Variants in SPMIP7 observed in about 807,000 individuals in gnomAD.
SPMIP7 encodes the protein protein SPMIP7.
At chr7:50,111,984 A>G in the SPMIP7 span, among the ~76,000 whole-genome samples, 1 of 152,218 alleles carries the variant, frequency 6.6e-6, no homozygotes, top group East Asian at 1.9e-4. Context: ...CTACACCACT[A>G]CAAATTGAAT....
chr7:50,144,680 G>A, the SPMIP7 span, among the ~76,000 whole-genome samples: 9 of 152,160 alleles, frequency 5.9e-5, no homozygotes, highest in Non-Finnish European at 1.3e-4. Flanking sequence ...TTACTAAATG[G>A]CATTTAGAGT....
chr7:50,140,546 A>G, the SPMIP7 span, among the ~76,000 whole-genome samples: 95 of 152,362 alleles, frequency 6.2e-4, no homozygotes, highest in Non-Finnish European at 1.2e-3. Context: ...TGAGATGCTC[A>G]TTAACAGCAT....
chr7:50,104,273 G>A, the SPMIP7 span: 2 of 1,084,558 alleles, frequency 1.8e-6, no homozygotes, highest in Non-Finnish European at 2.7e-6. Context: ...CTTTTATTGT[G>A]TTTTTAACCA....
the SPMIP7 span, chr7:50,096,005 G>A: frequency 1.1e-5 from 10 of 873,084 alleles, no homozygotes; most frequent in Non-Finnish European, 1.7e-6. Flanking sequence ...TTTAGTTATT[G>A]GCAATAGAGT....
At chr7:50,106,831 T>G in the SPMIP7 span, among the ~76,000 whole-genome samples, 1 of 152,220 alleles carries the variant, frequency 6.6e-6, no homozygotes, top group East Asian at 1.9e-4. Context: ...GGGCCAGGCA[T>G]GGTGTCTCAC....
At chr7:50,101,652 T>C in the SPMIP7 span, among the ~76,000 whole-genome samples, 1 of 152,344 alleles carries the variant, frequency 6.6e-6, no homozygotes, top group East Asian at 1.9e-4. Flanking sequence ...ATATTAGAAT[T>C]CAAGTTTTAT....
chr7:50,142,994 C>T, the SPMIP7 span, among the ~76,000 whole-genome samples: 1 of 152,068 alleles, frequency 6.6e-6, no homozygotes, highest in Non-Finnish European at 1.5e-5. Flanking sequence ...TACAGAGAGC[C>T]ATCCTATTGA....
the SPMIP7 span, among the ~76,000 whole-genome samples, chr7:50,114,052 T>C: frequency 2.6e-5 from 4 of 152,088 alleles, no homozygotes; most frequent in African/African-American, 7.2e-5. Flanking sequence ...ACTAAGAAGA[T>C]ATTAACTAAC....
At chr7:50,120,221 GAAGAT>G in the SPMIP7 span, 5 of 152,194 alleles carry the variant, frequency 3.3e-5, no homozygotes, top group African/African-American at 1.2e-4. Context: ...AAAGTGGAAT[GAAGAT>G]AAGTTAATTT....
chr7:50,102,532 A>G, the SPMIP7 span, among the ~76,000 whole-genome samples: 1 of 152,156 alleles, frequency 6.6e-6, no homozygotes, highest in Non-Finnish European at 1.5e-5. Context: ...CTCAAGCTTC[A>G]AAGTCAACAA....
chr7:50,127,391 G>A, the SPMIP7 span, among the ~76,000 whole-genome samples: 13 of 151,148 alleles, frequency 8.6e-5, no homozygotes, highest in African/African-American at 1.7e-4. Context: ...GTCAACAAAA[G>A]TAAAAATAGA....
the SPMIP7 span, among the ~76,000 whole-genome samples, chr7:50,155,793 A>T: frequency 1.2e-3 from 2 of 1,732 alleles, no homozygotes; most frequent in African/African-American, 2.4e-3. Flanking sequence ...AATCCCTCTC[A>T]ATACACACAT....
chr7:50,096,405 G>C, the SPMIP7 span: 1 of 1,551,814 alleles, frequency 6.4e-7, no homozygotes, highest in Non-Finnish European at 8.7e-7. Flanking sequence ...GGTGATTCCT[G>C]TTCAGGGTTT....
the SPMIP7 span, among the ~76,000 whole-genome samples, chr7:50,153,874 A>G: frequency 4.6e-5 from 7 of 152,162 alleles, no homozygotes; most frequent in African/African-American, 9.7e-5. Context: ...CATACAGACA[A>G]TTCTAAGCAT....
the SPMIP7 span, among the ~76,000 whole-genome samples, chr7:50,156,522 G>A: frequency 1.3e-5 from 2 of 151,602 alleles, no homozygotes; most frequent in Non-Finnish European, 2.9e-5. Context: ...ACCTCCCTGT[G>A]CCACACGAGC....
At chr7:50,098,832 C>T in the SPMIP7 span, among the ~76,000 whole-genome samples, 4 of 49,298 alleles carry the variant, frequency 8.1e-5, no homozygotes, top group East Asian at 1.6e-3. Flanking sequence ...CTTCAACACA[C>T]GAATCTGGGG....
chr7:50,139,177 C>T, the SPMIP7 span, among the ~76,000 whole-genome samples: 1 of 151,692 alleles, frequency 6.6e-6, no homozygotes, highest in Non-Finnish European at 1.5e-5. Context: ...GGTGAAACCC[C>T]GTCTCTACTA....
chr7:50,136,505 G>A, the SPMIP7 span, among the ~76,000 whole-genome samples: 62 of 152,286 alleles, frequency 4.1e-4, no homozygotes, highest in African/African-American at 1.4e-3. Flanking sequence ...ACTCCAGCCT[G>A]GGTGATGAGC....
the SPMIP7 span, chr7:50,141,354 CG>C: frequency 7.7e-6 from 12 of 1,551,576 alleles, no homozygotes; most frequent in African/African-American, 5.5e-5. Context: ...AGCCAAGCAG[CG>C]GTACTCTAAG....
Sources: allele counts gnomAD v4.1 joint callset (sites outside exome capture counted in the v4.1 genomes callset), GRCh38; gene constraint gnomAD v4.1.1; transcripts MANE v1.5; gene names NCBI Gene and HGNC (gene_info 2026-07-23, HGNC 2026-07-21).